SCN9A: variants seen among roughly 807,000 people sequenced by gnomAD.
SCN9A encodes sodium channel protein type 9 subunit alpha.
A neutral mutation model predicts 187.0 loss-of-function variants in SCN9A; 131 were observed. The observed-to-expected ratio is 0.70, with a 90% CI of 0.61 to 0.81. The LOEUF (loss-of-function observed/expected upper bound fraction) is 0.81. SCN9A is among the 30% of genes least tolerant of loss of function. The probability of loss-of-function intolerance (pLI) is 0.00; values close to 1 mark genes in which losing one functional copy is unlikely to be tolerated. For missense variants in SCN9A, 2,252 were observed against 2,396.6 expected, an observed-to-expected ratio of 0.94 and a Z score of 1.26; for synonymous variants, 809 against 808.6, an observed-to-expected ratio of 1.00 and a Z score of -0.01.
At chr2:166,341,867 A>C (rs1367950570) in intron 1 of SCN9A, among the ~76,000 whole-genome samples, 1 of 152,214 alleles carries the variant, frequency 6.6e-6, no homozygotes, top group African/African-American at 2.4e-5. Context: ...CATCAATAAC[A>C]TTAATCTGTC....
chr2:166,290,210 T>C (rs1574876613), intron 9 of SCN9A, among the ~76,000 whole-genome samples: 1 of 152,144 alleles, frequency 6.6e-6, no homozygotes, highest in Non-Finnish European at 1.5e-5. Context: ...GATGATGGCT[T>C]CCAGCTTCAT....
intron 17 of SCN9A, among the ~76,000 whole-genome samples, chr2:166,263,172 T>A (rs146636065): frequency 6.6e-6 from 1 of 151,854 alleles, no homozygotes; most frequent in Admixed American, 6.6e-5. Context: ...CTCCAGAGGG[T>A]TGTCACAGCA....
intron 1 of SCN9A, among the ~76,000 whole-genome samples, chr2:166,340,615 TC>T (rs879520443): frequency 0.079 from 5,747 of 72,378 alleles, 305 homozygotes; most frequent in African/African-American, 0.13. Flanking sequence ...TTTCTTTCTT[TC>T]TTTCCTTTCT....
At chr2:166,286,264 T>C (rs1416142528) in intron 11 of SCN9A, 72 bp downstream of exon 11, 1 of 1,428,606 alleles carries the variant, frequency 7.0e-7, no homozygotes, top group Non-Finnish European at 9.4e-7. Flanking sequence ...CCGAGTTCTC[T>C]TACCCTAAAA....
intron 11 of SCN9A, 86 bp downstream of exon 11, chr2:166,286,250 T>TAGAGAGAA: frequency 7.9e-7 from 1 of 1,272,350 alleles, no homozygotes. Context: ...CTCACTATCC[T>TAGAGAGAA]CTCCCGAGTT....
intron 26 of SCN9A, 119 bp downstream of exon 26, chr2:166,203,836 C>G: frequency 1.5e-6 from 1 of 646,686 alleles, no homozygotes. Context: ...TTCATTCTTT[C>G]ATTGTACTGA....
intron 7 of SCN9A, among the ~76,000 whole-genome samples, chr2:166,300,466 C>A (rs1444805048): frequency 6.6e-6 from 1 of 150,926 alleles, no homozygotes; most frequent in Non-Finnish European, 1.5e-5. Context: ...TAGTTGATAT[C>A]TCAGCACCTG....
chr2:166,217,675 C>A (rs1694394926), intron 24 of SCN9A, among the ~76,000 whole-genome samples: 1 of 152,010 alleles, frequency 6.6e-6, no homozygotes, highest in East Asian at 1.9e-4. Flanking sequence ...TTACCTCACA[C>A]CTCCTAGAAT....
chr2:166,352,729 T>C (rs188117229), intron 1 of SCN9A, among the ~76,000 whole-genome samples: 1 of 152,322 alleles, frequency 6.6e-6, no homozygotes, highest in Admixed American at 6.5e-5. Flanking sequence ...TAAGAAGATA[T>C]TGAGACTTCC....
At chr2:166,353,888 G>C (rs1449468641) in intron 1 of SCN9A, among the ~76,000 whole-genome samples, 1 of 152,076 alleles carries the variant, frequency 6.6e-6, no homozygotes, top group Non-Finnish European at 1.5e-5. Context: ...TATCACCAAG[G>C]TATAACATGA....
intron 24 of SCN9A, among the ~76,000 whole-genome samples, chr2:166,210,337 CATT>C (rs1427651824): frequency 1.3e-5 from 2 of 151,922 alleles, no homozygotes; most frequent in Non-Finnish European, 2.9e-5. Flanking sequence ...ATATACCTAA[CATT>C]AGGAGATATA....
rs567028826 is a variant in SCN9A, at chr2:166,210,231, T to C, written c.4399-5767A>G. Among the ~76,000 whole-genome samples the C allele has an allele frequency of 9.9e-5, 15 of 152,022 alleles. No individual in the cohort carries two copies. In the South Asian group the frequency reaches 3.1e-3, roughly 32 times the overall value. On this transcript the variant is annotated intron_variant, in intron 24 of 26. Coordinates refer to ENST00000642356, the MANE Select transcript of SCN9A (RefSeq NM_001365536.1). ...GAAAAAAACCAAACACTGCACTTTC[T>C]CACTCATAGGTGGGAATTGAACAAT...
rs1329301565 is a variant in SCN9A at position 166,272,541 on chromosome 2, A to AAG, written c.3207_3208dup (p.Leu1070SerfsTer2). On this transcript the variant is annotated frameshift_variant, in exon 17 of 27. Transcript: ENST00000642356. LOFTEE classifies it high-confidence loss of function. ...TGATTGACCATCACTGTCTTCCATC[A>AAG]AGTGTTTGTCCACGCTGCTTCCAAA... The AAG allele has an allele frequency of 6.2e-7, 1 of 1,613,306 alleles. No homozygotes were observed. The highest frequency in any genetic ancestry group is 8.5e-7 in the Non-Finnish European group (1 of 1,179,716).
At position 166,278,286 on chromosome 2, in the gene SCN9A, T is replaced by A; in HGVS notation, c.2371A>T (p.Met791Leu). Residue 791 changes from methionine (M) to leucine (L), a missense_variant, in exon 15 of 27, where the codon ATG becomes TTG. Transcript: ENST00000642356. Reference protein sequence around the residue: ...LVFTGIFAAEMVLKLIAMDPY... With the variant: ...LVFTGIFAAELVLKLIAMDPY... The stretch of plus-strand genomic sequence containing the variant: ...TCCATGGCAATCAGTTTTAATACCA[T>A]TTCAGCTGCAAAGATTCCAGTAAAG... 6.2e-7 allele frequency: 1 copy of A among 1,606,686 alleles called. No individual in the cohort carries two copies. The highest frequency in any genetic ancestry group is 8.5e-7 in the Non-Finnish European group (1 of 1,177,404).
chr2:166,370,504 C>T (rs2105329874), intron 1 of SCN9A, among the ~76,000 whole-genome samples: 1 of 150,664 alleles, frequency 6.6e-6, no homozygotes, highest in African/African-American at 2.4e-5. Flanking sequence ...GATCGCGCCA[C>T]TGCACTCCAG....
At chr2:166,222,997 T>A (rs1381338287) in intron 24 of SCN9A, among the ~76,000 whole-genome samples, 1 of 58,144 alleles carries the variant, frequency 1.7e-5, no homozygotes, top group Non-Finnish European at 3.8e-5. Context: ...CGTAAAGAGA[T>A]ATCATTTCAT....
At chr2:166,316,883 A>C (rs1003112750) in intron 1 of SCN9A, among the ~76,000 whole-genome samples, 3 of 152,136 alleles carry the variant, frequency 2.0e-5, no homozygotes, top group African/African-American at 7.2e-5. Flanking sequence ...ATATTGAAAA[A>C]TTATAATCAA....
At chr2:166,264,739 G>T (rs1696658715) in intron 17 of SCN9A, among the ~76,000 whole-genome samples, 1 of 151,878 alleles carries the variant, frequency 6.6e-6, no homozygotes, top group South Asian at 2.1e-4. Context: ...GGTCATAAAA[G>T]AGAGGGTTTT....
At chr2:166,259,732 A>C (rs954845386) in intron 17 of SCN9A, among the ~76,000 whole-genome samples, 9 of 151,828 alleles carry the variant, frequency 5.9e-5, no homozygotes, top group African/African-American at 2.2e-4. Flanking sequence ...TTGACATTTT[A>C]AACAGCATTG....
Sources: allele counts gnomAD v4.1 joint callset (sites outside exome capture counted in the v4.1 genomes callset), GRCh38; gene constraint gnomAD v4.1.1; transcripts MANE v1.5; gene names NCBI Gene and HGNC (gene_info 2026-07-23, HGNC 2026-07-21).